B9D1: variants seen among roughly 807,000 people sequenced by gnomAD.
The protein encoded by B9D1 is B9 domain-containing protein 1.
A neutral mutation model predicts 26.1 loss-of-function variants in B9D1; 20 were observed. The ratio of observed to expected loss-of-function variants is 0.77; its 90% CI spans 0.54 to 1.12. The LOEUF (loss-of-function observed/expected upper bound fraction) is 1.12. B9D1 is among the 50% of genes most tolerant of loss of function. The pLI, the probability that B9D1 is intolerant of heterozygous loss-of-function variation, is 0.00. For missense variants in B9D1, 260 were observed against 273.7 expected (o/e 0.95, Z 0.35); for synonymous variants, 105 against 103.1 (o/e 1.02, Z -0.11).
chr17:19,354,935 T>G (rs1187366373), intron 3 of B9D1, among the ~76,000 whole-genome samples: 1 of 152,230 alleles, frequency 6.6e-6, no homozygotes, highest in East Asian at 1.9e-4. Context: ...GAGTTTTGTC[T>G]TCTTGAATTT....
chr17:19,349,391 A>ATTT (rs58094833), intron 3 of B9D1, among the ~76,000 whole-genome samples: 1 of 146,696 alleles, frequency 6.8e-6, no homozygotes, highest in African/African-American at 2.5e-5. Context: ...CATTAAAAAC[A>ATTT]TTTTTTTTTT....
chr17:19,370,895 G>A lies in B9D1; in HGVS notation c.-298+6964C>T, dbSNP rs1176367594. ...CCACACTGAGCTGAGCCAAGGCAGG[G>A]GTCAATTCTGAAGGCCTGGATCCTC... On this transcript the variant is annotated intron_variant, in intron 1 of 5. Transcript: ENST00000477478. The surrounding 1 kb of genome is among the most constrained non-coding windows in gnomAD (Gnocchi z 5.1). Among the ~76,000 whole-genome samples the A allele has an allele frequency of 6.6e-6, 1 of 152,184 alleles. No homozygotes were observed. The highest frequency in any genetic ancestry group is 1.5e-5 in the Non-Finnish European group (1 of 68,026).
chr17:19,355,289 A>C (rs192159203), intron 3 of B9D1, among the ~76,000 whole-genome samples: 4 of 152,284 alleles, frequency 2.6e-5, no homozygotes, highest in Non-Finnish European at 2.9e-5. Context: ...GAACTTTCTT[A>C]GGCCAAGGTG....
At chr17:19,352,816 C>T (rs1909807752) in intron 3 of B9D1, among the ~76,000 whole-genome samples, 1 of 151,698 alleles carries the variant, frequency 6.6e-6, no homozygotes, top group Non-Finnish European at 1.5e-5. Flanking sequence ...CCACTGCGCC[C>T]AGCCTATGCC....
At chr17:19,356,264 G>A (rs1300490851) in intron 3 of B9D1, among the ~76,000 whole-genome samples, 6 of 152,096 alleles carry the variant, frequency 3.9e-5, no homozygotes, top group East Asian at 1.9e-4. Context: ...GCTAATTTTC[G>A]TATTTTTAGT....
At chr17:19,367,861 T>G (rs1196651805) in intron 1 of B9D1, among the ~76,000 whole-genome samples, 1 of 152,194 alleles carries the variant, frequency 6.6e-6, no homozygotes, top group African/African-American at 2.4e-5. Context: ...GTGGTCTGAC[T>G]TGGTCTCCCC....
chr17:19,347,864 G>T lies in B9D1; in HGVS notation c.261C>A (p.Leu87=). ...CGAACACATCTGGTCCATACACGCT[G>T]AGCACGATCTGTGGCCCTTGGGAAG... is the stretch of plus-strand genomic sequence containing the variant. The part of the protein sequence containing the change: ...TNPYGWPQIV[L]SVYGPDVFGN... Residue 87 remains leucine (L), a synonymous_variant, in exon 4 of 7, where the codon CTC becomes CTA. Transcript: ENST00000261499. The surrounding 1 kb of genome is among the most constrained non-coding windows in gnomAD (Gnocchi z 4.3). 1.2e-6 allele frequency: 2 copies of T among 1,614,118 alleles called. No individual in the cohort carries two copies. The highest frequency in any genetic ancestry group is 1.1e-5 in the South Asian group (1 of 91,076).
At chr17:19,357,277 T>G (rs1350754292) in intron 3 of B9D1, among the ~76,000 whole-genome samples, 1 of 152,220 alleles carries the variant, frequency 6.6e-6, no homozygotes, top group East Asian at 1.9e-4. Context: ...AGTAGGCACT[T>G]ATGAAGTGCA....
In B9D1 at chr17:19,343,268, C is replaced by T. The variant is rs1340802512; in HGVS notation, c.*51G>A. The T allele has an allele frequency of 6.2e-7, 1 of 1,612,786 alleles. No individual in the cohort carries two copies. The highest frequency in any genetic ancestry group is 2.2e-5 in the East Asian group (1 of 44,868). On this transcript the variant is annotated 3_prime_UTR_variant, in exon 7 of 7. Transcript: ENST00000261499. ...CCTCAGGCCGATGGGCAGCGGCTGA[C>T]TTCGGGAAGGCAGCCCTTCATTATC...
chr17:19,357,559 G>A (rs1180631228), intron 3 of B9D1: 1 of 476,234 alleles, frequency 2.1e-6, no homozygotes, highest in African/African-American at 2.0e-5. Flanking sequence ...GCATGCCAGG[G>A]TGGGGAGCCT....
rs769608300 is a variant in B9D1 at position 19,347,872 on chromosome 17, T to A, written c.253A>T (p.Ile85Phe). The stretch of plus-strand genomic sequence containing the variant: ...TCTGGTCCATACACGCTGAGCACGA[T>A]CTGTGGCCCTTGGGAAGGACAAGGC... Reference protein sequence around the residue: ...KSTNPYGWPQIVLSVYGPDVF... With the variant: ...KSTNPYGWPQFVLSVYGPDVF... Residue 85 changes from isoleucine (I) to phenylalanine (F), a missense_variant, in exon 4 of 7, where the codon ATC (isoleucine) becomes TTC (phenylalanine). Transcript: ENST00000261499. The surrounding 1 kb of genome is among the most constrained non-coding windows in gnomAD (Gnocchi z 4.3). 3.5e-5 allele frequency: 56 copies of A among 1,613,860 alleles called. No homozygotes were observed. The highest frequency in any genetic ancestry group is 4.6e-5 in the Non-Finnish European group (54 of 1,179,998).
In B9D1 at chr17:19,353,527, C is replaced by T. The variant is rs201209693; in HGVS notation, c.244+4313G>A. Among the ~76,000 whole-genome samples the T allele has an allele frequency of 5.9e-5, 9 of 152,104 alleles. No homozygotes were observed. In the East Asian group the frequency reaches 1.4e-3, roughly 23 times the overall value. ...TAGTGGCAGGCGCCTGTAATCCCAG[C>T]TACTTGGGAGGGTGAGGCAGGAGAA... On this transcript the variant is annotated intron_variant, in intron 3 of 6. Coordinates refer to ENST00000261499, the MANE Select transcript of B9D1 (RefSeq NM_015681.6).
rs776679506 is a variant in B9D1, at chr17:19,343,823, G to A, written c.439C>T (p.Pro147Ser). 6.2e-7 allele frequency: 1 copy of A among 1,614,124 alleles called. No homozygotes were observed. The highest frequency in any genetic ancestry group is 8.5e-7 in the Non-Finnish European group (1 of 1,179,998). ...FMGRRPEYTDPKVVAQGEGRE... is the reference protein window; with the variant it reads ...FMGRRPEYTDSKVVAQGEGRE... ...CCTTCACCCTGAGCCACCACCTTGG[G>A]GTCTGTGTACTCGGGCCGCCGCCCC... Residue 147 changes from proline to serine, a missense_variant, in exon 6 of 7, where the codon CCC becomes TCC. By Grantham distance (74) the Pro-to-Ser change is moderately conservative (BLOSUM62 -1). Coordinates refer to ENST00000261499, the MANE Select transcript of B9D1 (RefSeq NM_015681.6).
At chr17:19,346,611 C>T (rs1450121078) in intron 5 of B9D1, among the ~76,000 whole-genome samples, 1 of 152,208 alleles carries the variant, frequency 6.6e-6, no homozygotes, top group Non-Finnish European at 1.5e-5. Context: ...GGTAAGAGGC[C>T]TTCATGCTGG....
intron 3 of B9D1, among the ~76,000 whole-genome samples, chr17:19,350,081 C>T (rs1360334199): frequency 6.6e-6 from 1 of 151,628 alleles, no homozygotes; most frequent in Non-Finnish European, 1.5e-5. Flanking sequence ...CACTGCACTC[C>T]AGCCTGGGCG....
At chr17:19,368,101 C>G (rs1012146641) in intron 1 of B9D1, among the ~76,000 whole-genome samples, 1 of 152,176 alleles carries the variant, frequency 6.6e-6, no homozygotes, top group African/African-American at 2.4e-5. Flanking sequence ...ACAGAATAAA[C>G]CGGTCTGGGT....
chr17:19,339,349 C>G (rs1050143785), downstream of B9D1, among the ~76,000 whole-genome samples: 1 of 152,158 alleles, frequency 6.6e-6, no homozygotes, highest in African/African-American at 2.4e-5. Context: ...CTGTCCCTTT[C>G]CCCTAGAGCT....
chr17:19,345,349 C>T lies in B9D1; in HGVS notation c.405-1492G>A, dbSNP rs528617197. Among the ~76,000 whole-genome samples the T allele has an allele frequency of 3.1e-4, 47 of 152,240 alleles. 1 individual carries two copies. In the South Asian group the frequency reaches 5.0e-3, roughly 16 times the overall value. ...AGCCCCAGTTGTGTTTTAGGAACAC[C>T]GTTTTTCTTGCTATGTGAAGACTAG... On this transcript the variant is annotated intron_variant, in intron 5 of 6. Coordinates refer to ENST00000261499, the MANE Select transcript of B9D1 (RefSeq NM_015681.6).
In B9D1 at chr17:19,357,912, G is replaced by C; in HGVS notation, c.172C>G (p.Gln58Glu). Residue 58 changes from glutamine to glutamate, a missense_variant, in exon 3 of 7, where the codon CAA becomes GAA. Gln to Glu is a conservative substitution (Grantham distance 29). Transcript: ENST00000261499. ...CACACCAGTGCTTGCCGCACATCTTGGCTCTTGGATGTGATCTGTGAGATC... is the reference window on the plus strand; with the variant it reads ...CACACCAGTGCTTGCCGCACATCTTCGCTCTTGGATGTGATCTGTGAGATC... ...EGISQITSKSQDVRQALVWNF... is the reference protein window; with the variant it reads ...EGISQITSKSEDVRQALVWNF... The C allele has an allele frequency of 1.2e-6, 2 of 1,614,116 alleles. No individual in the cohort carries two copies. Among genetic ancestry groups the C allele is most frequent in the South Asian group, 2.2e-5 (2 of 91,070 alleles).
Sources: gnomAD v4.1 joint callset for allele counts (sites outside exome capture counted in the v4.1 genomes callset) on GRCh38, gnomAD v4.1.1 for gene constraint, Gnocchi (gnomAD v3.1) non-coding constraint, MANE v1.5 for transcripts, NCBI Gene and HGNC (gene_info 2026-07-23, HGNC 2026-07-21) for gene names.